The following MELK variants were observed in gnomAD, a reference collection of about 807,000 sequenced individuals.
MELK encodes the protein maternal embryonic leucine zipper kinase.
In MELK, 81 loss-of-function variants were observed where a neutral mutation model predicts 85.0. The ratio of observed to expected loss-of-function variants is 0.95; its 90% CI spans 0.80 to 1.15. The LOEUF (loss-of-function observed/expected upper bound fraction) is 1.15. MELK is among the 50% of genes most tolerant of loss of function. The pLI, the probability that MELK is intolerant of heterozygous loss-of-function variation, is 0.00. For synonymous variants in MELK, 252 were observed against 265.0 expected, an observed-to-expected ratio of 0.95 and a Z score of 0.48; for missense variants, 754 against 777.5, an observed-to-expected ratio of 0.97 and a Z score of 0.36.
chr9:36,657,354 A>G lies in MELK; in HGVS notation c.1167A>G (p.Arg389=), dbSNP rs1207559675. 1 of 1,608,038 alleles carries G rather than the reference A, an allele frequency of 6.2e-7. No individual in the cohort carries two copies. The highest frequency in any genetic ancestry group is 8.5e-7 in the Non-Finnish European group (1 of 1,178,448). ...TATCAACAGGTGCTGCTACTCCCCG[A>G]ACATCACAGGTTCGTCATTCTTATT... ...DDLSTGAATP[R]TSQFTKYWTE... The change falls in exon 13 of 18, where the codon CGA becomes CGG. Residue 389 remains arginine, a synonymous_variant. Coordinates refer to ENST00000298048, the MANE Select transcript of MELK (RefSeq NM_014791.4).
intron 1 of MELK, among the ~76,000 whole-genome samples, chr9:36,579,298 A>G (rs1018736802): frequency 1.3e-5 from 2 of 152,160 alleles, no homozygotes; most frequent in African/African-American, 4.8e-5. Context: ...AAGTGCTGGG[A>G]TTACAGGCAT....
chr9:36,636,790 G>GTCTGTCTGTCTTTCTT (rs1475022442), intron 10 of MELK, among the ~76,000 whole-genome samples: 1 of 67,698 alleles, frequency 1.5e-5, no homozygotes, highest in South Asian at 5.2e-4. Context: ...CTTTCTGTCT[G>GTCTGTCTGTCTTTCTT]TCTTTCTTTC....
chr9:36,658,229 G>A (rs1448725261), intron 13 of MELK, among the ~76,000 whole-genome samples: 2 of 151,470 alleles, frequency 1.3e-5, no homozygotes, highest in African/African-American at 4.9e-5. Context: ...TATTTTATTT[G>A]CCCCACTCTC....
At chr9:36,603,275 GC>G (rs1189148023) in intron 7 of MELK, among the ~76,000 whole-genome samples, 1 of 152,046 alleles carries the variant, frequency 6.6e-6, no homozygotes, top group Non-Finnish European at 1.5e-5. Context: ...CTGAGATGGG[GC>G]TTTAAGAATC....
chr9:36,629,642 A>G (rs1340781818), intron 8 of MELK, among the ~76,000 whole-genome samples: 1 of 152,210 alleles, frequency 6.6e-6, no homozygotes, highest in African/African-American at 2.4e-5. Context: ...GAAATTATAA[A>G]CTAATAATTG....
In MELK at chr9:36,634,693, G is replaced by T. The variant is rs181926048; in HGVS notation, c.834+1493G>T. ...GCACTCCAGCCTTGGGTGACAGAGC[G>T]AGACTCTGTTTCAAAAAGAAAAGAG... On this transcript the variant is annotated intron_variant, in intron 10 of 17. Coordinates refer to ENST00000298048, the MANE Select transcript of MELK (RefSeq NM_014791.4). 2.1e-3 allele frequency among the ~76,000 whole-genome samples: 319 copies of T among 151,926 alleles called. 4 individuals are homozygous for T. Among genetic ancestry groups the T allele is most frequent in the South Asian group, 0.014 (68 of 4,812 alleles).
chr9:36,595,175 G>A lies in MELK; in HGVS notation c.405+404G>A, dbSNP rs539747975. 3.8e-3 allele frequency among the ~76,000 whole-genome samples: 565 copies of A among 150,074 alleles called. 2 individuals are homozygous for A. The highest frequency in any genetic ancestry group is 5.3e-3 in the Non-Finnish European group (360 of 67,422). ...TTTGGAGACGGAGTCTCACTCCGTC[G>A]CCCAGGCTGGAGTGCAGTGGCGCGA... On this transcript the variant is annotated intron_variant, in intron 5 of 17. Coordinates refer to ENST00000298048, the MANE Select transcript of MELK (RefSeq NM_014791.4).
intron 11 of MELK, among the ~76,000 whole-genome samples, chr9:36,646,162 A>G (rs761558956): frequency 1.4e-4 from 22 of 152,200 alleles, no homozygotes; most frequent in Non-Finnish European, 2.1e-4. Flanking sequence ...TCAGATGTCA[A>G]TAGTGCCAAG....
intron 4 of MELK, 110 bp downstream of exon 4, chr9:36,589,762 G>C (rs1823338564): frequency 1.3e-6 from 1 of 750,264 alleles, no homozygotes; most frequent in African/African-American, 1.8e-5. Flanking sequence ...CGACTTACCT[G>C]TTTTGTTCCA....
At chr9:36,656,105 T>C (rs1831214409) in intron 12 of MELK, among the ~76,000 whole-genome samples, 1 of 152,116 alleles carries the variant, frequency 6.6e-6, no homozygotes, top group African/African-American at 2.4e-5. Flanking sequence ...GGAGGAAGAA[T>C]GAAAGAACAG....
At chr9:36,631,256 C>T (rs576470737) in intron 9 of MELK, among the ~76,000 whole-genome samples, 1 of 152,116 alleles carries the variant, frequency 6.6e-6, no homozygotes, top group African/African-American at 2.4e-5. Flanking sequence ...CAGGTGTGAG[C>T]CACTGGCTTT....
At position 36,608,738 on chromosome 9, in the gene MELK, C is replaced by T. The variant is rs1463148110; in HGVS notation, c.666+1065C>T. 5.6e-4 allele frequency among the ~76,000 whole-genome samples: 85 copies of T among 152,066 alleles called. 1 individual carries two copies. The highest frequency in any genetic ancestry group is 1.9e-4 in the East Asian group (1 of 5,182). The stretch of plus-strand genomic sequence containing the variant: ...CTGGGATTACAGGCATGTGCCACCA[C>T]GCCCGGCTAATTTTTTGTATTTTTA... On this transcript the variant is annotated intron_variant, in intron 8 of 17. Coordinates refer to ENST00000298048, the MANE Select transcript of MELK (RefSeq NM_014791.4).
intron 8 of MELK, among the ~76,000 whole-genome samples, chr9:36,616,101 A>AT (rs1035120184): frequency 6.6e-5 from 10 of 152,216 alleles, no homozygotes; most frequent in Admixed American, 5.9e-4. Context: ...GAAAAAAATT[A>AT]TTTTTGTATT....
rs531127408 is a variant in MELK at position 36,612,204 on chromosome 9, T to C, written c.666+4531T>C. 2.6e-5 allele frequency among the ~76,000 whole-genome samples: 4 copies of C among 151,974 alleles called. 1 individual carries two copies. In the South Asian group the frequency reaches 8.3e-4, roughly 32 times the overall value. On this transcript the variant is annotated intron_variant, in intron 8 of 17. Transcript: ENST00000298048. The stretch of plus-strand genomic sequence containing the variant: ...TCCGCCTCCTCAGTTCAAGCGATTC[T>C]CTTGCCTCAGCCTCCTGAGTAGCTG...
Position 36,633,109 on chromosome 9 carries a change from C to T in MELK, c.743C>T (p.Pro248Leu). The T allele has an allele frequency of 6.2e-7, 1 of 1,608,816 alleles. No individual in the cohort carries two copies. Among genetic ancestry groups the T allele is most frequent in the East Asian group, 2.2e-5 (1 of 44,744 alleles). ...CTTTTTAATGGCCACTAGGTGGACCCAAAGAAACGGATTTCTATGAAAAAT... is the reference window on the plus strand; with the variant it reads ...CTTTTTAATGGCCACTAGGTGGACCTAAAGAAACGGATTTCTATGAAAAAT... ...LLLQQMLQVDPKKRISMKNLL... is the reference protein window; with the variant it reads ...LLLQQMLQVDLKKRISMKNLL... Residue 248 changes from proline to leucine, a missense_variant, in exon 10 of 18, where the codon CCA becomes CTA. By Grantham distance (98) the Pro-to-Leu change is moderately conservative. Transcript: ENST00000298048.
intron 9 of MELK, among the ~76,000 whole-genome samples, chr9:36,631,589 T>A (rs989340437): frequency 6.6e-6 from 1 of 151,400 alleles, no homozygotes; most frequent in Non-Finnish European, 1.5e-5. Flanking sequence ...TAAAAAAAAA[T>A]TTTATAGACA....
intron 9 of MELK, among the ~76,000 whole-genome samples, chr9:36,631,401 G>A (rs1828603082): frequency 6.6e-6 from 1 of 151,944 alleles, no homozygotes; most frequent in Admixed American, 6.5e-5. Context: ...AAGTAGCTGG[G>A]ATTACAGGCA....
At chr9:36,608,575 A>G (rs1825787422) in intron 8 of MELK, among the ~76,000 whole-genome samples, 1 of 151,402 alleles carries the variant, frequency 6.6e-6, no homozygotes, top group East Asian at 1.9e-4. Flanking sequence ...CTCTTACGTT[A>G]TACAAACTTC....
intron 3 of MELK, among the ~76,000 whole-genome samples, chr9:36,584,254 C>A (rs950235149): frequency 2.6e-5 from 4 of 151,590 alleles, no homozygotes; most frequent in Admixed American, 6.6e-5. Context: ...ATCTGCCCGC[C>A]TCGGCCTCCC....
Sources: allele counts gnomAD v4.1 joint callset (sites outside exome capture counted in the v4.1 genomes callset), GRCh38; gene constraint gnomAD v4.1.1; transcripts MANE v1.5; gene names NCBI Gene and HGNC (gene_info 2026-07-23, HGNC 2026-07-21).